TAF1D: variants seen among roughly 807,000 people sequenced by gnomAD.
TAF1D encodes TATA-box binding protein associated factor, RNA polymerase I subunit D.
In TAF1D, 23 loss-of-function variants were observed where a neutral mutation model predicts 26.2. The observed-to-expected ratio is 0.88, with a 90% CI of 0.63 to 1.25. The LOEUF (loss-of-function observed/expected upper bound fraction) is 1.25, where lower values mean the gene tolerates loss of function less well. TAF1D is among the 50% of genes most tolerant of loss of function. TAF1D has a pLI of 0.00. For missense variants in TAF1D, 299 were observed against 322.0 expected (o/e 0.93, Z 0.55); for synonymous variants, 100 against 105.6 (o/e 0.95, Z 0.33).
In TAF1D at chr11:93,741,432, C is replaced by T. The variant is rs1323898855; in HGVS notation, c.-138G>A. The T allele has an allele frequency of 2.2e-6, 1 of 456,198 alleles. No individual in the cohort carries two copies. The highest frequency in any genetic ancestry group is 1.5e-5 in the South Asian group (1 of 64,574). The allele number at this position is 456,198 out of a possible 1,614,324, so 28.3% of individuals were successfully genotyped here. A position where few individuals can be genotyped will look rare whatever the true frequency, so the allele number is the denominator to read the frequency against. On this transcript the variant is annotated 5_prime_UTR_variant, in exon 1 of 6. Coordinates refer to ENST00000448108, the MANE Select transcript of TAF1D (RefSeq NM_024116.4). Reference sequence around the variant, plus strand: ...CCTAGAGCTCTGTACACACCACCCTCCCGACCTCAGCCCTCCAACTCCCGA... The same window carrying T: ...CCTAGAGCTCTGTACACACCACCCTTCCGACCTCAGCCCTCCAACTCCCGA...
intron 1 of TAF1D, 89 bp from the exon 2 acceptor site, chr11:93,739,420 A>G (rs1362927440): frequency 1.6e-5 from 12 of 770,498 alleles, no homozygotes; most frequent in Non-Finnish European, 2.4e-5. Context: ...AGACTATGCC[A>G]ATGATTTCAG....
chr11:93,730,943 CATTTT>C (rs764683837), downstream of TAF1D: 1 of 493,632 alleles, frequency 2.0e-6, no homozygotes, highest in African/African-American at 2.0e-5. Flanking sequence ...ATGTGGTTCA[CATTTT>C]ATTTGTATTG....
chr11:93,736,486 A>C, intron 5 of TAF1D, 182 bp from the exon 6 acceptor site: 1 of 1,426,952 alleles, frequency 7.0e-7, no homozygotes, highest in Non-Finnish European at 9.1e-7. Flanking sequence ...TATGTATCAG[A>C]ATGCTACTTA....
chr11:93,735,344 G>C, downstream of TAF1D: 1 of 1,125,106 alleles, frequency 8.9e-7, no homozygotes. Flanking sequence ...TTGAATAAAT[G>C]TGTATGCCTT....
At chr11:93,734,981 C>T, downstream of TAF1D, 1 of 1,172,684 alleles carries the variant, frequency 8.5e-7, no homozygotes, top group Non-Finnish European at 1.1e-6. Flanking sequence ...CTAGGCTGGT[C>T]TTGAACTCCT....
downstream of TAF1D, chr11:93,730,609 G>T: frequency 1.7e-6 from 1 of 576,450 alleles, no homozygotes; most frequent in East Asian, 4.2e-5. Flanking sequence ...TAAGAGCTCT[G>T]GGTTTCACAG....
At chr11:93,731,648 G>A, downstream of TAF1D, 2 of 484,536 alleles carry the variant, frequency 4.1e-6, no homozygotes, top group South Asian at 3.0e-5. Flanking sequence ...GATAGATGTT[G>A]CAATAGCATT....
At chr11:93,732,336 G>C (rs1002861927), downstream of TAF1D, 1 of 517,320 alleles carries the variant, frequency 1.9e-6, no homozygotes, top group Non-Finnish European at 3.9e-6. Flanking sequence ...ATATCAAACT[G>C]AACACTCTGA....
downstream of TAF1D, chr11:93,731,300 A>C: frequency 2.9e-6 from 1 of 345,708 alleles, no homozygotes; most frequent in Non-Finnish European, 5.7e-6. Flanking sequence ...CTTAGGTTCC[A>C]AAGTATCCTG....
Position 93,739,321 on chromosome 11 carries a change from T to G in TAF1D, c.-17A>C. ...TTTATCCATCAATTGCTCTTTGTTT[T>G]AAACAGTTTTCTGAAATTATGAAAT... On this transcript the variant is annotated 5_prime_UTR_variant, in exon 2 of 6. Transcript: ENST00000448108. 1.2e-6 allele frequency: 2 copies of G among 1,603,340 alleles called. No homozygotes were observed. Among genetic ancestry groups the G allele is most frequent in the South Asian group, 2.3e-5 (2 of 88,788 alleles).
chr11:93,739,210 A>G, intron 2 of TAF1D, 27 bp downstream of exon 2: 1 of 1,534,324 alleles, frequency 6.5e-7, no homozygotes, highest in Non-Finnish European at 9.0e-7. Context: ...TAATTCAGAT[A>G]CAATAAACAT....
Position 93,736,023 on chromosome 11 carries a change from A to C in TAF1D, c.*138T>G. On this transcript the variant is annotated 3_prime_UTR_variant, in exon 6 of 6. Transcript: ENST00000448108. ...TCACAAACTTCTTCACAGGGTTAAA[A>C]ATTTTTTTTCTTGTTATAAAGTTCT... is the stretch of plus-strand genomic sequence containing the variant. The C allele has an allele frequency of 7.0e-7, 1 of 1,428,046 alleles. No individual in the cohort carries two copies. Among genetic ancestry groups the C allele is most frequent in the African/African-American group, 1.5e-5 (1 of 67,676 alleles). 88.5% of individuals were successfully genotyped at this position (1,428,046 alleles called of 1,614,324 possible).
At chr11:93,731,916 A>AT (rs1429159505), downstream of TAF1D, 1 of 421,050 alleles carries the variant, frequency 2.4e-6, no homozygotes, top group African/African-American at 2.1e-5. Flanking sequence ...AAGTGGTCCT[A>AT]TAAGAGCTGA....
chr11:93,739,242 AT>A lies in TAF1D; in HGVS notation c.62del (p.Asn21IlefsTer55). The A allele has an allele frequency of 6.2e-7, 1 of 1,611,438 alleles. No individual in the cohort carries two copies. The highest frequency in any genetic ancestry group is 8.5e-7 in the Non-Finnish European group (1 of 1,178,862). On this transcript the variant is annotated frameshift_variant, in exon 2 of 6. Transcript: ENST00000448108. LOFTEE classifies it high-confidence loss of function. ...ACATGATTGAATCCACTCACCTTCGATTTGCAAGTTCCACAGCATCAGATGT... is the reference window on the plus strand; with the variant it reads ...ACATGATTGAATCCACTCACCTTCGATTGCAAGTTCCACAGCATCAGATGT... ...HVTSDAVELA[N>X]RSDNSSDSSL...
chr11:93,736,463 T>C, intron 5 of TAF1D, 159 bp from the exon 6 acceptor site: 1 of 1,423,784 alleles, frequency 7.0e-7, no homozygotes, highest in South Asian at 1.6e-5. Context: ...TTTGACATCC[T>C]AACTAGCAAT....
rs1253323998 is a variant in TAF1D at position 93,737,152 on chromosome 11, C to T, written c.547G>A (p.Gly183Ser). 2 of 1,612,240 alleles carry T rather than the reference C, an allele frequency of 1.2e-6. 1 individual carries two copies. The highest frequency in any genetic ancestry group is 2.2e-5 in the South Asian group (2 of 90,690). ...AAATCTTCATTTTCTAAATCTTCAC[C>T]AACATTCATTTGCTTCAATGATTCT... ...LKESLKQMNV[G>S]EDLENEDFDS... The change falls in exon 4 of 6, where the codon GGT becomes AGT. Residue 183 changes from glycine (G) to serine (S), a missense_variant. Transcript: ENST00000448108.
At chr11:93,733,772 C>T (rs779597626), downstream of TAF1D, 1 of 276,018 alleles carries the variant, frequency 3.6e-6, no homozygotes, top group Non-Finnish European at 7.2e-6. Flanking sequence ...TTTCTCCTGC[C>T]TTAGCCTCCA....
chr11:93,735,297 C>A, downstream of TAF1D: 3 of 1,256,724 alleles, frequency 2.4e-6, no homozygotes, highest in Non-Finnish European at 1.0e-6. Flanking sequence ...AAATAATGAA[C>A]ATCGGGGTAA....
chr11:93,732,995 A>ATT (rs1939610308), downstream of TAF1D: 1 of 323,266 alleles, frequency 3.1e-6, no homozygotes, highest in African/African-American at 2.2e-5. Flanking sequence ...TATCTTACTA[A>ATT]TTCTGTGTTA....
Sources: gnomAD v4.1 joint callset for allele counts on GRCh38, gnomAD v4.1.1 for gene constraint, MANE v1.5 for transcripts, NCBI Gene and HGNC (gene_info 2026-07-23, HGNC 2026-07-21) for gene names.